ZNF69: variants seen among roughly 807,000 people sequenced by gnomAD.
ZNF69 encodes ZNF3.
ZNF69 carries 47 observed loss-of-function variants against 50.9 expected under a neutral mutation model. That is an observed-to-expected ratio of 0.92 (90% CI 0.73 to 1.18). The LOEUF (loss-of-function observed/expected upper bound fraction) is 1.18. Ranked by LOEUF, ZNF69 falls within the 50% of genes most tolerant of loss-of-function variation. The probability of loss-of-function intolerance (pLI) is 0.00; values close to 1 mark genes in which losing one functional copy is unlikely to be tolerated. For missense variants in ZNF69, 717 were observed against 675.1 expected (o/e 1.06, Z -0.69); for synonymous variants, 216 against 223.1 (o/e 0.97, Z 0.29).
the ZNF69 span, chr19:11,979,975 A>G: frequency 3.5e-5 from 42 of 1,201,310 alleles, no homozygotes; most frequent in Non-Finnish European, 5.0e-5. Flanking sequence ...CTGGAGAGAA[A>G]CCCTATGAGT....
At chr19:11,917,701 A>T (rs1972534002), downstream of ZNF69, among the ~76,000 whole-genome samples, 1 of 151,016 alleles carries the variant, frequency 6.6e-6, no homozygotes, top group Non-Finnish European at 1.5e-5. Flanking sequence ...CAGTGGCGTG[A>T]TCTCGGCTCA....
the ZNF69 span, among the ~76,000 whole-genome samples, chr19:11,960,674 T>C: frequency 6.6e-6 from 1 of 151,984 alleles, no homozygotes; most frequent in Non-Finnish European, 1.5e-5. Context: ...CTTTAACAAC[T>C]GCATACTAAC....
the ZNF69 span, among the ~76,000 whole-genome samples, chr19:11,942,253 T>C: frequency 4.0e-5 from 6 of 151,390 alleles, no homozygotes; most frequent in Non-Finnish European, 7.4e-5. Context: ...CCTCCTGCTC[T>C]TGGCTAGCTA....
At chr19:11,941,684 C>A in the ZNF69 span, among the ~76,000 whole-genome samples, 9 of 152,200 alleles carry the variant, frequency 5.9e-5, no homozygotes, top group Non-Finnish European at 1.0e-4. Context: ...CTCCCTCCAC[C>A]CCTCCCTGCA....
At chr19:11,972,843 C>G in the ZNF69 span, among the ~76,000 whole-genome samples, 1 of 151,920 alleles carries the variant, frequency 6.6e-6, no homozygotes, top group Admixed American at 6.6e-5. Flanking sequence ...TGTAATCCTA[C>G]CACTTAGGGA....
At chr19:11,898,726 G>T (rs935156878) in intron 1 of ZNF69, among the ~76,000 whole-genome samples, 2 of 152,112 alleles carry the variant, frequency 1.3e-5, no homozygotes, top group African/African-American at 4.8e-5. Flanking sequence ...CTGGCCAGGT[G>T]CTGAGCCTCA....
the ZNF69 span, among the ~76,000 whole-genome samples, chr19:11,940,940 A>G: frequency 0.16 from 24,497 of 151,624 alleles, 4,081 homozygotes; most frequent in African/African-American, 0.43. Context: ...CCTGAGCTAG[A>G]CACAGGGTGC....
chr19:11,977,389 A>G, the ZNF69 span: 2 of 1,614,078 alleles, frequency 1.2e-6, no homozygotes, highest in East Asian at 2.2e-5. Flanking sequence ...TGGAAAGACC[A>G]GAACATTGAA....
the ZNF69 span, among the ~76,000 whole-genome samples, chr19:11,957,091 G>A: frequency 2.0e-5 from 3 of 146,664 alleles, no homozygotes; most frequent in Non-Finnish European, 4.5e-5. Flanking sequence ...TAAGAAATAA[G>A]TTTTTTTTTT....
At chr19:11,925,273 G>A in the ZNF69 span, 5 of 1,612,258 alleles carry the variant, frequency 3.1e-6, no homozygotes, top group Non-Finnish European at 4.2e-6. Flanking sequence ...GCCGGGAAAT[G>A]GTGCGTGTGC....
the ZNF69 span, among the ~76,000 whole-genome samples, chr19:11,951,171 AAG>A: frequency 1.5e-3 from 223 of 150,270 alleles, no homozygotes; most frequent in South Asian, 9.0e-3. Context: ...AAAAAAAAGA[AAG>A]AAATTTTACT....
intron 1 of ZNF69, among the ~76,000 whole-genome samples, chr19:11,898,438 T>A (rs1216906704): frequency 7.0e-6 from 1 of 142,890 alleles, no homozygotes; most frequent in Non-Finnish European, 1.5e-5. Context: ...TTGCCCAGGC[T>A]GGAGGGCAGT....
chr19:11,889,854 T>G (rs891704414), intron 1 of ZNF69, among the ~76,000 whole-genome samples: 1 of 152,066 alleles, frequency 6.6e-6, no homozygotes, highest in Admixed American at 6.5e-5. Context: ...AGGGTGATGG[T>G]GGGGAGAAGG....
At chr19:11,896,215 A>T (rs913873297) in intron 1 of ZNF69, among the ~76,000 whole-genome samples, 1 of 105,236 alleles carries the variant, frequency 9.5e-6, no homozygotes, top group East Asian at 2.1e-4. Context: ...GCGAAACTCC[A>T]TTAAAAAAAA....
At chr19:11,967,244 G>T in the ZNF69 span, among the ~76,000 whole-genome samples, 1 of 152,250 alleles carries the variant, frequency 6.6e-6, no homozygotes, top group Admixed American at 6.5e-5. Flanking sequence ...GCTTAAGTGG[G>T]AGAATCACTT....
At chr19:11,898,385 C>CTTTTTT (rs745487579) in intron 1 of ZNF69, among the ~76,000 whole-genome samples, 12 of 91,868 alleles carry the variant, frequency 1.3e-4, no homozygotes, top group African/African-American at 3.2e-4. Context: ...TTCCTCCTGG[C>CTTTTTT]TTTTTTTTTT....
chr19:11,888,083 T>A, intron 1 of ZNF69, 97 bp downstream of exon 1: 2 of 1,265,382 alleles, frequency 1.6e-6, no homozygotes, highest in Non-Finnish European at 2.2e-6. Flanking sequence ...TGCGGGCGAC[T>A]TTGGGATCTG....
chr19:11,957,587 G>C, the ZNF69 span, among the ~76,000 whole-genome samples: 1 of 151,510 alleles, frequency 6.6e-6, no homozygotes, highest in African/African-American at 2.4e-5. Flanking sequence ...GCTCATGCCT[G>C]TAATCCCAGC....
At chr19:11,947,298 A>C in the ZNF69 span, 1 of 1,613,832 alleles carries the variant, frequency 6.2e-7, no homozygotes, top group Non-Finnish European at 8.5e-7. Context: ...CAGGAACCTG[A>C]CCTCTATAGG....
Sources: gnomAD v4.1 joint callset for allele counts (sites outside exome capture counted in the v4.1 genomes callset) on GRCh38, gnomAD v4.1.1 for gene constraint, MANE v1.5 for transcripts, NCBI Gene and HGNC (gene_info 2026-07-23, HGNC 2026-07-21) for gene names.